LARP4B: variants seen among roughly 807,000 people sequenced by gnomAD.
The protein encoded by LARP4B is la-related protein 4B.
In LARP4B, 12 loss-of-function variants were observed where a neutral mutation model predicts 89.8. The ratio of observed to expected loss-of-function variants is 0.13; its 90% confidence interval spans 0.09 to 0.22. The LOEUF (loss-of-function observed/expected upper bound fraction) is 0.22. Among genes scored for constraint, LARP4B ranks in the 10% least tolerant of loss-of-function variants. The pLI is 1.00. For missense variants in LARP4B, 757 were observed against 947.7 expected (o/e 0.80, Z 2.64); for synonymous variants, 367 against 363.3 (o/e 1.01, Z -0.12).
At chr10:860,855 T>C (rs1834565808) in intron 5 of LARP4B, among the ~76,000 whole-genome samples, 1 of 151,868 alleles carries the variant, frequency 6.6e-6, no homozygotes, top group African/African-American at 2.4e-5. Flanking sequence ...TGACATATAG[T>C]GATAGAAAAC....
chr10:878,282 C>G (rs1202026561), intron 3 of LARP4B, among the ~76,000 whole-genome samples: 1 of 152,146 alleles, frequency 6.6e-6, no homozygotes, highest in Non-Finnish European at 1.5e-5. Flanking sequence ...AAGGGATCCT[C>G]TGGCCACTGT....
intron 3 of LARP4B, among the ~76,000 whole-genome samples, chr10:882,041 T>C (rs1033426594): frequency 1.3e-5 from 2 of 152,070 alleles, no homozygotes; most frequent in Admixed American, 6.5e-5. Context: ...ACACAGAGCA[T>C]GTTTGTGCCT....
At chr10:869,692 G>C (rs966816862) in intron 3 of LARP4B, among the ~76,000 whole-genome samples, 1 of 151,830 alleles carries the variant, frequency 6.6e-6, no homozygotes, top group Admixed American at 6.6e-5. Flanking sequence ...TTCAAAACCG[G>C]CCTGGCCAAC....
At chr10:863,982 A>AGTCT in intron 4 of LARP4B, 99 bp from the exon 5 acceptor site, 1 of 1,549,610 alleles carries the variant, frequency 6.5e-7, no homozygotes, top group Non-Finnish European at 8.7e-7. Flanking sequence ...TTTAGACTGT[A>AGTCT]AAAGACCTCT....
Position 817,762 on chromosome 10 carries a change from C to T in LARP4B, c.1658G>A (p.Arg553Lys). Residue 553 changes from arginine to lysine, a missense_variant, in exon 15 of 18, where the codon AGG becomes AAG. Arg to Lys is a conservative substitution (Grantham distance 26). Transcript: ENST00000316157. Reference protein sequence around the residue: ...NLKTEDLFENRLSSLIIGPSK... With the variant: ...NLKTEDLFENKLSSLIIGPSK... ...TGGTCCTATTATCAAGCTAGATAGC[C>T]TGTTTTCAAACAAGTCCTCTGTCTT... 3 of 1,614,188 alleles carry T rather than the reference C, an allele frequency of 1.9e-6. No homozygotes were observed. Among genetic ancestry groups the T allele is most frequent in the Non-Finnish European group, 2.5e-6 (3 of 1,180,018 alleles).
intron 11 of LARP4B, among the ~76,000 whole-genome samples, chr10:828,890 T>A (rs1832754355): frequency 6.6e-6 from 1 of 152,140 alleles, no homozygotes; most frequent in Admixed American, 6.5e-5. Context: ...AATGTCTAGA[T>A]CCAGTACAGA....
chr10:895,921 T>C (rs1188674230), intron 1 of LARP4B, among the ~76,000 whole-genome samples: 1 of 152,226 alleles, frequency 6.6e-6, no homozygotes, highest in African/African-American at 2.4e-5. Flanking sequence ...GTTTTTTAAA[T>C]AACATATTAT....
chr10:917,546 T>C (rs1020079922), intron 1 of LARP4B, among the ~76,000 whole-genome samples: 1 of 152,226 alleles, frequency 6.6e-6, no homozygotes, highest in Non-Finnish European at 1.5e-5. Flanking sequence ...ATAAAAAGCC[T>C]GTTGGAAAGA....
At chr10:973,512 C>A in the LARP4B span, among the ~76,000 whole-genome samples, 29 of 152,088 alleles carry the variant, frequency 1.9e-4, no homozygotes, top group African/African-American at 3.6e-4. Context: ...CCACCACACC[C>A]GGCTGATTTT....
chr10:918,814 C>T (rs961287507), intron 1 of LARP4B, among the ~76,000 whole-genome samples: 3 of 152,048 alleles, frequency 2.0e-5, no homozygotes, highest in Admixed American at 1.3e-4. Context: ...CGGTGGCTCA[C>T]GCCTGTAATC....
chr10:828,999 G>C (rs1403451948), intron 11 of LARP4B, among the ~76,000 whole-genome samples: 1 of 152,300 alleles, frequency 6.6e-6, no homozygotes, highest in African/African-American at 2.4e-5. Flanking sequence ...GTAAAATAAG[G>C]CTGGTAAAAC....
intron 1 of LARP4B, 146 bp downstream of exon 1, chr10:931,282 C>G (rs1390492192): frequency 6.6e-6 from 1 of 152,036 alleles, no homozygotes; most frequent in African/African-American, 2.4e-5. Flanking sequence ...CGGCCTTCCC[C>G]TGCCCCGGCC....
At chr10:975,660 A>C in the LARP4B span, among the ~76,000 whole-genome samples, 1 of 152,218 alleles carries the variant, frequency 6.6e-6, no homozygotes. Context: ...ACACAATAGG[A>C]AGGCAAGAAT....
chr10:912,729 C>CA lies in LARP4B; in HGVS notation c.-40+18698dup, dbSNP rs770653351. The stretch of plus-strand genomic sequence containing the variant: ...TTGACAAAAAAAAAAAAAAAAAATT[C>CA]AAAAAAAAAAATTAGCGGGGCATGG... On this transcript the variant is annotated intron_variant, in intron 1 of 17. Coordinates refer to ENST00000316157, the MANE Select transcript of LARP4B (RefSeq NM_015155.3). 9.5e-3 allele frequency among the ~76,000 whole-genome samples: 1,282 copies of CA among 135,110 alleles called. 9 individuals are homozygous for CA. Among genetic ancestry groups the CA allele is most frequent in the Non-Finnish European group, 0.013 (765 of 60,422 alleles). 88.6% of individuals were successfully genotyped at this position (135,110 alleles called of 152,430 possible).
At chr10:967,876 G>C in the LARP4B span, among the ~76,000 whole-genome samples, 1 of 152,086 alleles carries the variant, frequency 6.6e-6, no homozygotes, top group East Asian at 1.9e-4. Context: ...AATTTTTTGT[G>C]TTTTTAGTAG....
intron 3 of LARP4B, among the ~76,000 whole-genome samples, chr10:866,985 G>T (rs1052989815): frequency 6.6e-6 from 1 of 152,200 alleles, no homozygotes; most frequent in Non-Finnish European, 1.5e-5. Context: ...ATTCAGTAGG[G>T]AGGTGCTCAA....
At chr10:854,579 T>G (rs1187162369) in intron 5 of LARP4B, among the ~76,000 whole-genome samples, 1 of 152,126 alleles carries the variant, frequency 6.6e-6, no homozygotes, top group Non-Finnish European at 1.5e-5. Flanking sequence ...TATCTTTGTT[T>G]TTTTTTTTCC....
chr10:928,826 G>C (rs1451170330), intron 1 of LARP4B, among the ~76,000 whole-genome samples: 1 of 152,066 alleles, frequency 6.6e-6, no homozygotes, highest in Non-Finnish European at 1.5e-5. Context: ...AACTCACCTA[G>C]GCCTCCCAAA....
rs74972425 is a variant in LARP4B, at chr10:822,366, C to T, written c.1485-1521G>A. Among the ~76,000 whole-genome samples the T allele has an allele frequency of 0.012, 1,780 of 152,318 alleles. 32 individuals carry two copies. Among genetic ancestry groups the T allele is most frequent in the African/African-American group, 0.04 (1,680 of 41,564 alleles). The stretch of plus-strand genomic sequence containing the variant: ...CCGCAGGGCTCGGCACAGGGCATCC[C>T]TCCGCCAAGGGCAGCCTGCTCGTCA... On this transcript the variant is annotated intron_variant, in intron 13 of 17. Transcript: ENST00000316157. This position sits in a 1 kb window ranked among gnomAD's most constrained non-coding sequence, Gnocchi z 4.6.
Sources: gnomAD v4.1 joint callset for allele counts (sites outside exome capture counted in the v4.1 genomes callset) on GRCh38, gnomAD v4.1.1 for gene constraint, Gnocchi (gnomAD v3.1) non-coding constraint, MANE v1.5 for transcripts, NCBI Gene and HGNC (gene_info 2026-07-23, HGNC 2026-07-21) for gene names.